The following SLIT2 variants were observed in gnomAD, a reference collection of about 807,000 sequenced individuals.
SLIT2 encodes slit homolog 2 protein.
Under a neutral mutation model 185.7 loss-of-function variants are expected in SLIT2, and 41 were observed. The observed-to-expected ratio is 0.22, with a 90% CI of 0.17 to 0.29. The LOEUF is 0.29. SLIT2 is among the 10% of genes least tolerant of loss of function. SLIT2 has a pLI of 1.00. For missense variants in SLIT2, 1,571 were observed against 1,909.0 expected (o/e 0.82, Z 3.30); for synonymous variants, 693 against 680.2 (o/e 1.02, Z -0.29).
intron 34 of SLIT2, among the ~76,000 whole-genome samples, chr4:20,610,470 T>C (rs893807925): frequency 3.3e-5 from 5 of 152,224 alleles, no homozygotes; most frequent in African/African-American, 1.2e-4. Flanking sequence ...TTTAATCTTA[T>C]ATTTGATCTG....
chr4:20,570,729 A>G (rs201979925), intron 29 of SLIT2, among the ~76,000 whole-genome samples: 549 of 44,964 alleles, frequency 0.012, 11 homozygotes, highest in African/African-American at 0.041. Context: ...ATATATATAT[A>G]TGTATATATA....
chr4:20,298,110 C>T (rs1318208576), intron 4 of SLIT2, among the ~76,000 whole-genome samples: 1 of 145,944 alleles, frequency 6.9e-6, no homozygotes, highest in Non-Finnish European at 1.5e-5. Flanking sequence ...CTTTTTGAGA[C>T]AGAATTTCCC....
intron 4 of SLIT2, among the ~76,000 whole-genome samples, chr4:20,277,606 A>G (rs978217551): frequency 6.6e-6 from 1 of 151,512 alleles, no homozygotes; most frequent in Non-Finnish European, 1.5e-5. Context: ...CTACCACTGT[A>G]GTTACATTGT....
Position 20,598,276 on chromosome 4 carries a change from T to C in SLIT2, c.3573T>C (p.Asp1191=). ...TTACTTTCTACTAGATTGCCACAGA[T>C]GAAGACAGCGGAATCCTCCTGTATA... ...QTNITLQIAT[D]EDSGILLYKG... Residue 1191 remains aspartate, a synonymous_variant, in exon 33 of 37, where the codon GAT becomes GAC. Coordinates refer to ENST00000504154, the MANE Select transcript of SLIT2 (RefSeq NM_004787.4). The C allele has an allele frequency of 6.2e-7, 1 of 1,613,984 alleles. No individual in the cohort carries two copies. Among genetic ancestry groups the C allele is most frequent in the Non-Finnish European group, 8.5e-7 (1 of 1,179,938 alleles).
At chr4:20,514,044 A>G (rs907766148) in intron 11 of SLIT2, among the ~76,000 whole-genome samples, 2 of 152,208 alleles carry the variant, frequency 1.3e-5, no homozygotes, top group African/African-American at 4.8e-5. Context: ...CTAGATTTGC[A>G]GAGAAGAATT....
rs1391035020 is a variant in SLIT2 at position 20,254,483 on chromosome 4, C to T, written c.179+489C>T. On this transcript the variant is annotated intron_variant, in intron 1 of 36. Coordinates refer to ENST00000504154, the MANE Select transcript of SLIT2 (RefSeq NM_004787.4). This position sits in a 1 kb window ranked among gnomAD's most constrained non-coding sequence, Gnocchi z 5.1. ...TTGCCTTCCCCGATTTTTTGTCACC[C>T]TCCTGGGGGCGAAGGTTAGGAAGAA... Among the ~76,000 whole-genome samples the T allele has an allele frequency of 6.6e-6, 1 of 152,082 alleles. No individual in the cohort carries two copies. Among genetic ancestry groups the T allele is most frequent in the African/African-American group, 2.4e-5 (1 of 41,420 alleles).
At chr4:20,418,876 G>C (rs1727923098) in intron 4 of SLIT2, among the ~76,000 whole-genome samples, 1 of 152,120 alleles carries the variant, frequency 6.6e-6, no homozygotes. Context: ...GGTGTGAACT[G>C]TTTGCTTTCC....
At chr4:20,379,895 G>A (rs1468041121) in intron 4 of SLIT2, among the ~76,000 whole-genome samples, 2 of 152,038 alleles carry the variant, frequency 1.3e-5, no homozygotes, top group African/African-American at 2.4e-5. Flanking sequence ...GAAAGACTTC[G>A]AAGTTCAGGG....
intron 3 of SLIT2, among the ~76,000 whole-genome samples, chr4:20,260,278 G>A (rs560595933): frequency 6.6e-4 from 99 of 150,226 alleles, no homozygotes; most frequent in African/African-American, 2.3e-3. Flanking sequence ...TGAGAGACAA[G>A]AAGAAATCAA....
intron 18 of SLIT2, among the ~76,000 whole-genome samples, chr4:20,535,823 T>C (rs1722218840): frequency 6.6e-6 from 1 of 151,910 alleles, no homozygotes; most frequent in African/African-American, 2.4e-5. Flanking sequence ...ACAATCTCAC[T>C]CAACCTCAAT....
Position 20,454,906 on chromosome 4 carries a change from C to T in SLIT2, c.396-12846C>T, listed in dbSNP as rs1164311408. ...TGCAATATTTCAACACCATTACATT[C>T]TACCTTTTAAAAATCTTTAGAACAA... On this transcript the variant is annotated intron_variant, in intron 4 of 36. Transcript: ENST00000504154. 2.6e-5 allele frequency among the ~76,000 whole-genome samples: 4 copies of T among 152,052 alleles called. 1 individual carries two copies. Among genetic ancestry groups the T allele is most frequent in the Admixed American group, 2.0e-4 (3 of 15,250 alleles).
At chr4:20,540,862 G>C (rs3775823) in intron 19 of SLIT2, among the ~76,000 whole-genome samples, 32,678 of 152,154 alleles carry the variant, frequency 0.21, 3,898 homozygotes, top group Admixed American at 0.28. Context: ...ATAGGTTTAT[G>C]CTGAAGTGGT....
rs1415150625 is a variant in SLIT2, at chr4:20,523,921, G to A, written c.1274+18G>A. The A allele has an allele frequency of 4.3e-6, 7 of 1,612,824 alleles. No homozygotes were observed. The highest frequency in any genetic ancestry group is 5.9e-6 in the Non-Finnish European group (7 of 1,178,930). On this transcript the variant is annotated intron_variant, in intron 13 of 36. Transcript: ENST00000504154. The stretch of plus-strand genomic sequence containing the variant: ...CAAACTATGTATGTATAAGTGATTT[G>A]GATCACTTTTGATGACATTGTTTCC...
At chr4:20,284,084 C>A (rs1243408933) in intron 4 of SLIT2, among the ~76,000 whole-genome samples, 2 of 152,138 alleles carry the variant, frequency 1.3e-5, no homozygotes, top group Non-Finnish European at 2.9e-5. Flanking sequence ...CAACAACCTG[C>A]CAGAATTGGA....
At chr4:20,595,087 G>A (rs770015206) in intron 30 of SLIT2, among the ~76,000 whole-genome samples, 14 of 152,234 alleles carry the variant, frequency 9.2e-5, no homozygotes, top group South Asian at 6.2e-4. Context: ...GATTGGCCCC[G>A]TGAATTTTCT....
chr4:20,361,644 C>A (rs974755353), intron 4 of SLIT2, among the ~76,000 whole-genome samples: 1 of 152,008 alleles, frequency 6.6e-6, no homozygotes, highest in African/African-American at 2.4e-5. Context: ...ATATTAGCTA[C>A]TTTATACATA....
chr4:20,547,045 C>T (rs973295440), intron 22 of SLIT2, among the ~76,000 whole-genome samples: 3 of 151,888 alleles, frequency 2.0e-5, no homozygotes, highest in East Asian at 1.9e-4. Flanking sequence ...TATTACATGC[C>T]CCAATGTAAA....
At chr4:20,495,626 T>G (rs1195469199) in intron 9 of SLIT2, among the ~76,000 whole-genome samples, 1 of 152,190 alleles carries the variant, frequency 6.6e-6, no homozygotes, top group Non-Finnish European at 1.5e-5. Flanking sequence ...ATATGTCCCG[T>G]GGACTTTGCC....
chr4:20,551,975 A>G (rs1348229261), intron 25 of SLIT2, among the ~76,000 whole-genome samples: 2 of 152,174 alleles, frequency 1.3e-5, no homozygotes, highest in Non-Finnish European at 2.9e-5. Flanking sequence ...TGTTTTGTAC[A>G]TCAGTCTATC....
Sources: gnomAD v4.1 joint callset for allele counts (sites outside exome capture counted in the v4.1 genomes callset) on GRCh38, gnomAD v4.1.1 for gene constraint, Gnocchi (gnomAD v3.1) non-coding constraint, MANE v1.5 for transcripts, NCBI Gene and HGNC (gene_info 2026-07-23, HGNC 2026-07-21) for gene names.